Variants in CAPRIN2 observed in about 807,000 individuals in gnomAD.
CAPRIN2 encodes the protein caprin family member 2.
CAPRIN2 carries 66 observed loss-of-function variants against 130.4 expected under a neutral mutation model. That is an observed-to-expected ratio of 0.51 (90% confidence interval 0.42 to 0.62). The LOEUF is 0.62. CAPRIN2 is among the 20% of genes least tolerant of loss of function. The pLI is 0.00. For synonymous variants in CAPRIN2, 471 were observed against 444.1 expected (o/e 1.06, Z -0.76); for missense variants, 1,185 against 1,246.6 (o/e 0.95, Z 0.74).
chr12:30,722,474 T>C (rs1239127060), intron 11 of CAPRIN2, among the ~76,000 whole-genome samples: 1 of 152,192 alleles, frequency 6.6e-6, no homozygotes, highest in Non-Finnish European at 1.5e-5. Context: ...TCAAAAAATT[T>C]ACCTTGTCAA....
exon 1 of CAPRIN2, chr12:30,753,659 C>G: frequency 1.2e-6 from 2 of 1,614,172 alleles, no homozygotes; most frequent in Non-Finnish European, 1.7e-6. Flanking sequence ...TAGAGGGACA[C>G]AGCCAGGCAA....
chr12:30,716,794 A>T (rs2057719533), intron 12 of CAPRIN2, 118 bp from the exon 15 acceptor site: 1 of 779,936 alleles, frequency 1.3e-6, no homozygotes, highest in East Asian at 2.5e-5. Context: ...GGACTTGAAT[A>T]GACATCTCTC....
chr12:30,754,191 G>A (rs1398935924), exon 1 of CAPRIN2: 3 of 161,198 alleles, frequency 1.9e-5, no homozygotes, highest in Admixed American at 6.0e-5. Context: ...TTGCAGACAG[G>A]TACTCTCTCA....
At chr12:30,730,377 A>C in intron 6 of CAPRIN2, 95 bp from the exon 8 acceptor site, 1 of 879,232 alleles carries the variant, frequency 1.1e-6, no homozygotes, top group South Asian at 1.4e-5. Flanking sequence ...ATATTTCAGA[A>C]GACTCGTAAC....
In CAPRIN2 at chr12:30,711,571, G is replaced by A. The variant is rs150085536; in HGVS notation, c.2660C>T (p.Ser887Leu). 1.7e-4 allele frequency: 279 copies of A among 1,612,816 alleles called. 1 individual carries two copies. The highest frequency in any genetic ancestry group is 4.4e-5 in the South Asian group (4 of 91,060). Residue 887 changes from serine to leucine, a missense_variant, in exon 16 of 17, where the codon TCG becomes TTG. Physicochemically the swap from Ser to Leu is moderately radical, Grantham distance 145 (BLOSUM62 -2). Around this residue, in one of 2 missense-constraint regions of CAPRIN2, gnomAD observed 1,104 missense variants for 1,104.3 expected, o/e 1.00. Coordinates refer to ENST00000298892, the Ensembl canonical transcript of CAPRIN2. ...ATTCAGCTAATTACCCTTACCTCTC[G>A]AATTTGCTCGTGGACCACCAGATGT...
intron 2 of CAPRIN2, among the ~76,000 whole-genome samples, chr12:30,745,984 A>C (rs1263731771): frequency 6.6e-6 from 1 of 152,234 alleles, no homozygotes; most frequent in Non-Finnish European, 1.5e-5. Flanking sequence ...AAGAAATCTA[A>C]ACAAAAATCA....
At chr12:30,725,906 G>A (rs2060790839) in intron 9 of CAPRIN2, 60 bp downstream of exon 10, 11 of 1,367,382 alleles carry the variant, frequency 8.0e-6, no homozygotes, top group Non-Finnish European at 1.1e-5. Context: ...TAATTTCACT[G>A]TAATGTTTCC....
At chr12:30,735,925 G>A (rs1028326816) in intron 3 of CAPRIN2, among the ~76,000 whole-genome samples, 1 of 152,000 alleles carries the variant, frequency 6.6e-6, no homozygotes, top group African/African-American at 2.4e-5. Context: ...TGAATCACTT[G>A]ACCCCAGGAA....
chr12:30,713,422 G>T (rs1016673478), intron 15 of CAPRIN2, among the ~76,000 whole-genome samples: 15 of 152,206 alleles, frequency 9.9e-5, no homozygotes, highest in African/African-American at 3.4e-4. Flanking sequence ...ATGGGCTCTG[G>T]AGTAAGAAAG....
chr12:30,721,045 T>TTA (rs2059276242), intron 11 of CAPRIN2, 130 bp from the exon 13 acceptor site: 2 of 634,184 alleles, frequency 3.2e-6, no homozygotes, highest in East Asian at 5.6e-5. Flanking sequence ...GCTAAACACT[T>TTA]TATACGTGTT....
At chr12:30,752,064 AC>A (rs1370336390) in intron 1 of CAPRIN2, among the ~76,000 whole-genome samples, 3 of 150,940 alleles carry the variant, frequency 2.0e-5, no homozygotes, top group Admixed American at 1.3e-4. Flanking sequence ...GATTACAGGC[AC>A]CCCCCACCAC....
intron 2 of CAPRIN2, among the ~76,000 whole-genome samples, chr12:30,743,176 TAC>T (rs1314367846): frequency 1.5e-5 from 2 of 133,040 alleles, no homozygotes; most frequent in Non-Finnish European, 3.1e-5. Flanking sequence ...TGTGCCTTCA[TAC>T]AAAACTTTAC....
intron 2 of CAPRIN2, among the ~76,000 whole-genome samples, chr12:30,749,639 TG>T (rs1425341528): frequency 6.6e-6 from 1 of 152,162 alleles, no homozygotes; most frequent in Non-Finnish European, 1.5e-5. Context: ...TCCTGCTAGT[TG>T]ATCAAGCCAT....
At chr12:30,719,447 C>T (rs1003381137) in intron 12 of CAPRIN2, 1 of 521,748 alleles carries the variant, frequency 1.9e-6, no homozygotes, top group African/African-American at 1.9e-5. Context: ...AAGAGTCTTA[C>T]CAATAATCAG....
chr12:30,748,841 A>G (rs1475024997), intron 2 of CAPRIN2, among the ~76,000 whole-genome samples: 1 of 152,192 alleles, frequency 6.6e-6, no homozygotes, highest in Non-Finnish European at 1.5e-5. Context: ...TACCTACTAC[A>G]TGCTACACTC....
rs201487970 is a variant in CAPRIN2 at position 30,714,951 on chromosome 12, G to C, written c.2500+8C>G. 1 of 1,608,562 alleles carries C rather than the reference G, an allele frequency of 6.2e-7. No homozygotes were observed. Among genetic ancestry groups the C allele is most frequent in the Non-Finnish European group, 8.5e-7 (1 of 1,175,316 alleles). ...ATTCAGTATAATTCAATTTTATTCA[G>C]GGCATACCTTTATAACCACCAGGGG... On this transcript the variant is annotated splice_region_variant and intron_variant, in intron 14 of 16. Transcript: ENST00000298892.
chr12:30,718,916 C>T (rs1263439060), intron 12 of CAPRIN2, among the ~76,000 whole-genome samples, 163 bp downstream of exon 14: 3 of 152,236 alleles, frequency 2.0e-5, no homozygotes, highest in Non-Finnish European at 4.4e-5. Flanking sequence ...TCCTATTCTT[C>T]TGCCACAAAC....
intron 12 of CAPRIN2, 96 bp from the exon 15 acceptor site, chr12:30,716,772 T>C: frequency 2.7e-6 from 3 of 1,096,054 alleles, no homozygotes; most frequent in Non-Finnish European, 2.7e-6. Flanking sequence ...AAACTTCTAT[T>C]TTGCAGGCAA....
intron 2 of CAPRIN2, among the ~76,000 whole-genome samples, chr12:30,741,914 T>C (rs1437135355): frequency 6.6e-6 from 1 of 152,038 alleles, no homozygotes; most frequent in Non-Finnish European, 1.5e-5. Flanking sequence ...AACTGGTAAG[T>C]GGATAAACAA....
Sources: allele counts gnomAD v4.1 joint callset (sites outside exome capture counted in the v4.1 genomes callset), GRCh38; gene constraint gnomAD v4.1.1; regional missense constraint gnomAD v4.1.1; transcripts MANE v1.5; gene names NCBI Gene and HGNC (gene_info 2026-07-23, HGNC 2026-07-21).